The following ARNT2 variants were observed in gnomAD, a reference collection of about 807,000 sequenced individuals.
ARNT2 encodes the protein ARNT protein 2.
In ARNT2, 36 loss-of-function variants were observed where a neutral mutation model predicts 91.7. The observed-to-expected ratio is 0.39, with a 90% CI of 0.30 to 0.52. The LOEUF is 0.52. Ranked by LOEUF, ARNT2 falls within the 20% of genes least tolerant of loss-of-function variation. The probability of loss-of-function intolerance (pLI) is 0.72; values close to 1 mark genes in which losing one functional copy is unlikely to be tolerated. For synonymous variants in ARNT2, 365 were observed against 347.1 expected (o/e 1.05, Z -0.57); for missense variants, 775 against 939.3 (o/e 0.83, Z 2.29).
intron 1 of ARNT2, among the ~76,000 whole-genome samples, chr15:80,418,629 G>C (rs1895819363): frequency 6.6e-6 from 1 of 152,194 alleles, no homozygotes; most frequent in Non-Finnish European, 1.5e-5. Context: ...GATGGGATCT[G>C]ACCACTCTCT....
chr15:80,427,353 A>G (rs1895948417), intron 1 of ARNT2, among the ~76,000 whole-genome samples: 1 of 152,098 alleles, frequency 6.6e-6, no homozygotes, highest in Non-Finnish European at 1.5e-5. Flanking sequence ...TCACAGTTTA[A>G]ATGAATCCTG....
At chr15:80,472,723 C>T (rs946366418) in intron 4 of ARNT2, among the ~76,000 whole-genome samples, 5 of 152,132 alleles carry the variant, frequency 3.3e-5, no homozygotes, top group South Asian at 2.1e-4. Context: ...GTGATAGCTC[C>T]CAGCTCGTGT....
intron 12 of ARNT2, among the ~76,000 whole-genome samples, chr15:80,568,626 C>A (rs959331020): frequency 2.0e-5 from 3 of 152,214 alleles, no homozygotes; most frequent in Non-Finnish European, 4.4e-5. Context: ...CTTTCCTGGT[C>A]TCTGCAGAGC....
chr15:80,409,162 T>C (rs1000534301), intron 1 of ARNT2, among the ~76,000 whole-genome samples: 1 of 152,354 alleles, frequency 6.6e-6, no homozygotes, highest in East Asian at 1.9e-4. Context: ...TGTATATGAC[T>C]TATATCTACC....
At chr15:80,484,800 G>A (rs1237827510) in intron 5 of ARNT2, among the ~76,000 whole-genome samples, 2 of 152,232 alleles carry the variant, frequency 1.3e-5, no homozygotes, top group African/African-American at 2.4e-5. Flanking sequence ...GTGCTGAGGA[G>A]TGGTGGTGGG....
At chr15:80,562,369 C>T (rs1898380218) in intron 11 of ARNT2, among the ~76,000 whole-genome samples, 2 of 152,094 alleles carry the variant, frequency 1.3e-5, no homozygotes, top group Admixed American at 1.3e-4. Flanking sequence ...GCTTCCTGTC[C>T]CAGCTTTTCC....
Position 80,576,761 on chromosome 15 carries a change from C to A in ARNT2, c.1514-105C>A, listed in dbSNP as rs1050958581. The A allele has an allele frequency of 5.1e-6, 6 of 1,186,760 alleles. No homozygotes were observed. The African/African-American group carries it at 7.5e-5, about 15-fold the overall frequency. 73.5% of individuals were successfully genotyped at this position (1,186,760 alleles called of 1,614,324 possible). A position where few individuals can be genotyped will look rare whatever the true frequency, so the allele number is the denominator to read the frequency against. On this transcript the variant is annotated intron_variant, in intron 14 of 18. Transcript: ENST00000303329. ...GCAGGCGGGCTGCCCTGACTTGTGTCCTCCCGTTCCCACGCCCACCCCTGC... is the reference window on the plus strand; with the variant it reads ...GCAGGCGGGCTGCCCTGACTTGTGTACTCCCGTTCCCACGCCCACCCCTGC...
rs1315664845 is a variant in ARNT2 at position 80,597,603 on chromosome 15, C to G, written c.*3905C>G. On this transcript the variant is annotated 3_prime_UTR_variant, in exon 19 of 19. Coordinates refer to ENST00000303329, the MANE Select transcript of ARNT2 (RefSeq NM_014862.4). ...GCTAGTGTTATGGTCAACAACAGGC[C>G]AGGGTCTGTGGGGCACTGACCTTGA... is the stretch of plus-strand genomic sequence containing the variant. The G allele has an allele frequency of 5.4e-6, 1 of 186,074 alleles. No individual in the cohort carries two copies. The highest frequency in any genetic ancestry group is 1.4e-4 in the East Asian group (1 of 7,192). 11.5% of individuals were successfully genotyped at this position (186,074 alleles called of 1,614,324 possible).
intron 5 of ARNT2, among the ~76,000 whole-genome samples, chr15:80,490,768 C>T (rs186031549): frequency 1.7e-4 from 26 of 152,340 alleles, no homozygotes; most frequent in African/African-American, 4.6e-4. Context: ...AGATAGTTAT[C>T]AGCACAAGTC....
intron 14 of ARNT2, 25 bp from the exon 15 acceptor site, chr15:80,576,841 G>A (rs1240695119): frequency 2.5e-6 from 4 of 1,612,794 alleles, no homozygotes; most frequent in East Asian, 4.5e-5. Flanking sequence ...ACCTTCGCAT[G>A]TGACTCCTGC....
At position 80,508,237 on chromosome 15, in the gene ARNT2, G is replaced by A. The variant is rs1480883472; in HGVS notation, c.704G>A (p.Arg235Gln). 11 of 1,613,990 alleles carry A rather than the reference G, an allele frequency of 6.8e-6. No individual in the cohort carries two copies. Among genetic ancestry groups the A allele is most frequent in the South Asian group, 1.1e-5 (1 of 91,070 alleles). The change falls in exon 6 of 19, where the codon CGG (arginine) becomes CAG (glutamine). Residue 235 changes from arginine (R) to glutamine (Q), a missense_variant. Coordinates refer to ENST00000303329, the MANE Select transcript of ARNT2 (RefSeq NM_014862.4). ...SSMRMCMGSR[R>Q]SFICRMRCGN... ...ATGAGGATGTGCATGGGCTCGCGGCGGTCTTTCATCTGCAGGATGAGGTCT... is the reference window on the plus strand; with the variant it reads ...ATGAGGATGTGCATGGGCTCGCGGCAGTCTTTCATCTGCAGGATGAGGTCT...
intron 11 of ARNT2, chr15:80,556,711 A>G (rs1898197147): frequency 6.6e-6 from 1 of 152,288 alleles, no homozygotes; most frequent in South Asian, 2.1e-4. Context: ...ATGCACTATT[A>G]AATCTGCACA....
chr15:80,502,066 A>C (rs144317792), intron 5 of ARNT2, among the ~76,000 whole-genome samples: 1 of 152,190 alleles, frequency 6.6e-6, no homozygotes, highest in East Asian at 1.9e-4. Context: ...GTGCTCTAAC[A>C]ACTGGGTCCC....
Position 80,576,941 on chromosome 15 carries a change from C to G in ARNT2, c.1589C>G (p.Ser530Cys). The change falls in exon 15 of 19, where the codon TCT (serine) becomes TGT (cysteine). Residue 530 changes from serine (S) to cysteine (C), a missense_variant. Around this residue, in one of 5 missense-constraint regions of ARNT2, gnomAD observed 325 missense variants for 359.9 expected, o/e 0.90. Coordinates refer to ENST00000303329, the MANE Select transcript of ARNT2 (RefSeq NM_014862.4). ...TACTCCCAAGGAAGCCCATTTCCCT[C>G]TGGACACTCCGGGAAGGCCTTCAGG... ...QIYSQGSPFP[S>C]GHSGKAFSSS... 6.2e-7 allele frequency: 1 copy of G among 1,614,126 alleles called. No individual in the cohort carries two copies. Among genetic ancestry groups the G allele is most frequent in the Non-Finnish European group, 8.5e-7 (1 of 1,180,042 alleles).
rs781385538 is a variant in ARNT2 at position 80,593,635 on chromosome 15, G to C, written c.2091G>C (p.Gly697=). ...MLPMPGDPTQ[G]TGNYNIEDFA... Reference sequence around the variant, plus strand: ...CCATGCCAGGAGATCCAACCCAGGGGACTGGCAACTATAACATCGAAGACT... The same window carrying C: ...CCATGCCAGGAGATCCAACCCAGGGCACTGGCAACTATAACATCGAAGACT... The change falls in exon 19 of 19, where the codon GGG becomes GGC. Residue 697 remains glycine (G), a synonymous_variant. Coordinates refer to ENST00000303329, the MANE Select transcript of ARNT2 (RefSeq NM_014862.4). 6.2e-7 allele frequency: 1 copy of C among 1,606,370 alleles called. No homozygotes were observed. The highest frequency in any genetic ancestry group is 1.1e-5 in the South Asian group (1 of 89,592).
At chr15:80,480,761 TCCTGCCTGCCTG>T (rs201425682) in intron 5 of ARNT2, among the ~76,000 whole-genome samples, 1 of 151,892 alleles carries the variant, frequency 6.6e-6, no homozygotes, top group African/African-American at 2.4e-5. Context: ...TCCCCATCCT[TCCTGCCTGCCTG>T]CCTGCCTGCC....
At chr15:80,482,440 C>T (rs966521364) in intron 5 of ARNT2, among the ~76,000 whole-genome samples, 3 of 152,052 alleles carry the variant, frequency 2.0e-5, no homozygotes, top group East Asian at 1.9e-4. Context: ...GATTATCGGC[C>T]CCATTTCACA....
chr15:80,522,069 C>T lies in ARNT2; in HGVS notation c.877+7664C>T, dbSNP rs575440939. ...AATAATTTTTAGATACTGTTTAAAA[C>T]GTAAAAAGAATGAGTTTTCTATATT... is the stretch of plus-strand genomic sequence containing the variant. On this transcript the variant is annotated intron_variant, in intron 8 of 18. Transcript: ENST00000303329. Among the ~76,000 whole-genome samples the T allele has an allele frequency of 6.6e-5, 10 of 152,056 alleles. No homozygotes were observed. In the South Asian group the frequency reaches 8.3e-4, roughly 13 times the overall value.
At chr15:80,526,625 C>T (rs546451134) in intron 8 of ARNT2, among the ~76,000 whole-genome samples, 1 of 152,322 alleles carries the variant, frequency 6.6e-6, no homozygotes, top group Admixed American at 6.5e-5. Context: ...CCATCTGGGT[C>T]AGGAGGAGGT....
Sources: allele counts gnomAD v4.1 joint callset (sites outside exome capture counted in the v4.1 genomes callset), GRCh38; gene constraint gnomAD v4.1.1; regional missense constraint gnomAD v4.1.1; transcripts MANE v1.5; gene names NCBI Gene and HGNC (gene_info 2026-07-23, HGNC 2026-07-21).